The following KLHL3 variants were observed in gnomAD, a reference collection of about 807,000 sequenced individuals.
The protein encoded by KLHL3 is kelch like family member 3.
KLHL3 carries 19 observed loss-of-function variants against 70.5 expected under a neutral mutation model. The observed-to-expected ratio is 0.27, with a 90% CI of 0.19 to 0.40. The LOEUF (loss-of-function observed/expected upper bound fraction) is 0.40. KLHL3 is among the 10% of genes least tolerant of loss of function. The pLI, the probability that KLHL3 is intolerant of heterozygous loss-of-function variation, is 1.00. For synonymous variants in KLHL3, 258 were observed against 290.3 expected (o/e 0.89, Z 1.13); for missense variants, 512 against 771.1 (o/e 0.66, Z 3.98).
At chr5:137,689,777 A>G (rs2967799) in intron 5 of KLHL3, among the ~76,000 whole-genome samples, 120,594 of 152,182 alleles carry the variant, frequency 0.79, 48,074 homozygotes, top group East Asian at 0.98. Context: ...ATATACAAAC[A>G]TAACAAACCT....
chr5:137,675,906 C>T (rs73790029), intron 6 of KLHL3, among the ~76,000 whole-genome samples: 3,227 of 152,322 alleles, frequency 0.021, 109 homozygotes, highest in African/African-American at 0.073. Context: ...CCCAAATTGA[C>T]CAACTGTCTC....
At chr5:137,670,254 C>T (rs1040294051) in intron 6 of KLHL3, among the ~76,000 whole-genome samples, 4 of 152,084 alleles carry the variant, frequency 2.6e-5, no homozygotes, top group African/African-American at 9.7e-5. Flanking sequence ...ACCAGTAAAC[C>T]TGCCCTACAG....
chr5:137,671,459 A>C (rs916282445), intron 6 of KLHL3, among the ~76,000 whole-genome samples: 1 of 152,168 alleles, frequency 6.6e-6, no homozygotes, highest in Non-Finnish European at 1.5e-5. Context: ...CCTGAATAGA[A>C]ATGACTACCT....
intron 6 of KLHL3, among the ~76,000 whole-genome samples, chr5:137,663,459 C>T (rs1751536951): frequency 6.6e-6 from 1 of 151,730 alleles, no homozygotes. Context: ...TCCGCACATC[C>T]TCCCATATAC....
At chr5:137,649,483 C>T (rs978030162) in intron 8 of KLHL3, among the ~76,000 whole-genome samples, 1 of 152,162 alleles carries the variant, frequency 6.6e-6, no homozygotes, top group Non-Finnish European at 1.5e-5. Context: ...AGATCCTCCC[C>T]AAACAAGCCT....
At chr5:137,650,941 C>A (rs2149892036) in intron 8 of KLHL3, among the ~76,000 whole-genome samples, 1 of 152,102 alleles carries the variant, frequency 6.6e-6, no homozygotes, top group Non-Finnish European at 1.5e-5. Context: ...CCCTTCTAAC[C>A]CCCAGGAACG....
At chr5:137,635,467 CCA>C (rs762824980) in intron 11 of KLHL3, among the ~76,000 whole-genome samples, 2 of 152,338 alleles carry the variant, frequency 1.3e-5, no homozygotes, top group East Asian at 1.9e-4. Context: ...ACACTCCAAT[CCA>C]CAGAGTCTTT....
chr5:137,733,439 A>T (rs1753211941), intron 1 of KLHL3, among the ~76,000 whole-genome samples: 2 of 152,162 alleles, frequency 1.3e-5, no homozygotes, highest in South Asian at 4.1e-4. Context: ...TGCAGTAGTC[A>T]ATGGGGGTAT....
chr5:137,709,196 C>T (rs781010936), intron 3 of KLHL3, among the ~76,000 whole-genome samples: 2 of 152,218 alleles, frequency 1.3e-5, no homozygotes, highest in Non-Finnish European at 2.9e-5. Flanking sequence ...TTCTCATCCC[C>T]CTCAAAACCC....
intron 2 of KLHL3, among the ~76,000 whole-genome samples, chr5:137,715,239 G>A (rs1752871562): frequency 6.6e-6 from 1 of 152,206 alleles, no homozygotes; most frequent in Admixed American, 6.5e-5. Context: ...CTCATGAATT[G>A]TGTGATTCAT....
chr5:137,640,052 G>T, intron 8 of KLHL3, 75 bp from the exon 9 acceptor site: 1 of 1,219,564 alleles, frequency 8.2e-7, no homozygotes, highest in Non-Finnish European at 1.2e-6. Flanking sequence ...ACTTCCACAT[G>T]GCTTATCGCC....
intron 8 of KLHL3, among the ~76,000 whole-genome samples, chr5:137,650,129 C>T (rs1018595722): frequency 6.6e-6 from 1 of 152,136 alleles, no homozygotes; most frequent in South Asian, 2.1e-4. Context: ...AGGACAATGA[C>T]CCAGGGAAGA....
At chr5:137,653,932 G>A (rs1043122810) in intron 8 of KLHL3, among the ~76,000 whole-genome samples, 2 of 152,164 alleles carry the variant, frequency 1.3e-5, no homozygotes, top group African/African-American at 4.8e-5. Flanking sequence ...ATGAGCTCCT[G>A]ATACATGCAA....
chr5:137,692,956 G>T (rs535597173), intron 4 of KLHL3, among the ~76,000 whole-genome samples: 1 of 152,246 alleles, frequency 6.6e-6, no homozygotes, highest in South Asian at 2.1e-4. Flanking sequence ...TAGGTATGGA[G>T]TGTGGCCTGG....
At chr5:137,721,588 GACTA>G (rs1752998408) in intron 1 of KLHL3, among the ~76,000 whole-genome samples, 1 of 152,208 alleles carries the variant, frequency 6.6e-6, no homozygotes, top group Admixed American at 6.5e-5. Context: ...TATCTATGTA[GACTA>G]ACTGAGTAAG....
intron 3 of KLHL3, among the ~76,000 whole-genome samples, chr5:137,706,930 T>G (rs908216742): frequency 1.3e-5 from 2 of 152,084 alleles, no homozygotes; most frequent in Admixed American, 6.5e-5. Context: ...AGTAATAAGA[T>G]GAGTAGTAAT....
intron 4 of KLHL3, among the ~76,000 whole-genome samples, chr5:137,694,215 G>A (rs1056356609): frequency 6.6e-6 from 1 of 151,908 alleles, no homozygotes; most frequent in Non-Finnish European, 1.5e-5. Context: ...TCTCTCTCAC[G>A]ACAGCTGAGT....
chr5:137,714,089 T>A (rs1211189841), intron 2 of KLHL3, among the ~76,000 whole-genome samples: 2 of 137,456 alleles, frequency 1.5e-5, no homozygotes, highest in Non-Finnish European at 3.0e-5. Context: ...CATGAAAAGA[T>A]GCTCGACATC....
intron 8 of KLHL3, among the ~76,000 whole-genome samples, chr5:137,655,828 T>A (rs573800153): frequency 6.6e-6 from 1 of 150,548 alleles, no homozygotes. Flanking sequence ...ACAAAAAAAT[T>A]AAAAGAAAAA....
Sources: gnomAD v4.1 joint callset for allele counts (sites outside exome capture counted in the v4.1 genomes callset) on GRCh38, gnomAD v4.1.1 for gene constraint, MANE v1.5 for transcripts, NCBI Gene and HGNC (gene_info 2026-07-23, HGNC 2026-07-21) for gene names.